GPR141: variants seen among roughly 807,000 people sequenced by gnomAD.
GPR141 encodes probable G protein-coupled receptor 141.
Under a neutral mutation model 6.8 loss-of-function variants are expected in GPR141, and 6 were observed. The observed-to-expected ratio is 0.88, with a 90% CI of 0.48 to 1.74. GPR141 has a LOEUF of 1.74. GPR141 is among the 40% of genes most tolerant of loss of function. The pLI is 0.01. For synonymous variants in GPR141, 140 were observed against 142.3 expected (o/e 0.98, Z 0.11); for missense variants, 372 against 372.9 (o/e 1.00, Z 0.02).
chr7:37,695,110 G>T (rs1370448195), intron 2 of GPR141, among the ~76,000 whole-genome samples: 1 of 152,180 alleles, frequency 6.6e-6, no homozygotes, highest in Non-Finnish European at 1.5e-5. Context: ...TCCAGGCAAG[G>T]GGGCAGATGG....
chr7:37,691,526 CCT>C (rs1035921777), intron 2 of GPR141, among the ~76,000 whole-genome samples: 2 of 151,190 alleles, frequency 1.3e-5, no homozygotes, highest in Non-Finnish European at 3.0e-5. Context: ...GTTCTTTTTT[CCT>C]CTCTTATTGT....
At chr7:37,690,925 T>A (rs553892564) in intron 2 of GPR141, among the ~76,000 whole-genome samples, 1 of 152,366 alleles carries the variant, frequency 6.6e-6, no homozygotes, top group African/African-American at 2.4e-5. Flanking sequence ...AAGTCTCCTG[T>A]GTTACTGTAT....
intron 2 of GPR141, among the ~76,000 whole-genome samples, chr7:37,708,620 A>G (rs1420726529): frequency 6.6e-6 from 1 of 152,180 alleles, no homozygotes; most frequent in African/African-American, 2.4e-5. Context: ...AACTCCAAGA[A>G]ACTCAAGAGG....
intron 2 of GPR141, among the ~76,000 whole-genome samples, chr7:37,708,336 C>T (rs972353993): frequency 1.1e-4 from 6 of 53,506 alleles, no homozygotes; most frequent in Non-Finnish European, 2.4e-4. Flanking sequence ...AAAAAAAAAA[C>T]GCAAAAGCTG....
intron 2 of GPR141, among the ~76,000 whole-genome samples, chr7:37,737,167 G>T (rs570088107): frequency 6.6e-6 from 1 of 152,174 alleles, no homozygotes; most frequent in Admixed American, 6.5e-5. Flanking sequence ...TGTGTCAAAA[G>T]TTGATCTTGA....
chr7:37,723,711 C>T (rs1293293509), intron 2 of GPR141, among the ~76,000 whole-genome samples: 2 of 152,292 alleles, frequency 1.3e-5, no homozygotes, highest in Admixed American at 6.5e-5. Context: ...AGACATGTTT[C>T]TCTGTCTTTT....
At position 37,740,857 on chromosome 7, in the gene GPR141, A is replaced by G. The variant is rs764266586; in HGVS notation, c.464A>G (p.Tyr155Cys). The G allele has an allele frequency of 9.9e-6, 16 of 1,614,106 alleles. No homozygotes were observed. Among genetic ancestry groups the G allele is most frequent in the Middle Eastern group, 1.7e-4 (1 of 6,058 alleles). ...VIVVPLVVSR[Y>C]GIHEEYNEEH... ...GTGGTACCCCTGGTTGTCTCCCGGTATGGAATCCATGAGGAATACAATGAG... is the reference window on the plus strand; with the variant it reads ...GTGGTACCCCTGGTTGTCTCCCGGTGTGGAATCCATGAGGAATACAATGAG... Residue 155 changes from tyrosine to cysteine, a missense_variant, in exon 3 of 3, where the codon TAT becomes TGT. Physicochemically the swap from Tyr to Cys is radical, Grantham distance 194 (BLOSUM62 -2). Coordinates refer to ENST00000334425, the MANE Select transcript of GPR141 (RefSeq NM_001381946.1).
chr7:37,729,889 A>G (rs1247677702), intron 2 of GPR141: 2 of 152,252 alleles, frequency 1.3e-5, no homozygotes, highest in Non-Finnish European at 2.9e-5. Context: ...TGGAAGCAGA[A>G]ACTACCTCTC....
Position 37,731,377 on chromosome 7 carries a change from G to A in GPR141, c.-14-9003G>A, listed in dbSNP as rs528333082. On this transcript the variant is annotated intron_variant, in intron 2 of 2. Transcript: ENST00000334425. ...CAAGCAAGTCATGCACGTGGAGAACGAGGTGTCTCTCTGAAAGAAATGTAG... is the reference window on the plus strand; with the variant it reads ...CAAGCAAGTCATGCACGTGGAGAACAAGGTGTCTCTCTGAAAGAAATGTAG... Among the ~76,000 whole-genome samples, 48 of 151,998 alleles carry A rather than the reference G, an allele frequency of 3.2e-4. 1 individual carries two copies. The South Asian group carries it at 9.8e-3, about 31-fold the overall frequency.
intron 2 of GPR141, among the ~76,000 whole-genome samples, chr7:37,714,616 A>G (rs1186376460): frequency 6.6e-6 from 1 of 152,254 alleles, no homozygotes; most frequent in East Asian, 1.9e-4. Context: ...AAAGAAGTCA[A>G]ACTAATTTCA....
chr7:37,720,451 A>G (rs1811262967), intron 2 of GPR141, among the ~76,000 whole-genome samples: 1 of 152,192 alleles, frequency 6.6e-6, no homozygotes, highest in Non-Finnish European at 1.5e-5. Context: ...TCAAAAAGGA[A>G]AAGAAATTAG....
intron 2 of GPR141, among the ~76,000 whole-genome samples, chr7:37,708,820 G>T (rs912747377): frequency 6.6e-6 from 1 of 152,132 alleles, no homozygotes; most frequent in Admixed American, 6.6e-5. Context: ...ACATTTCATA[G>T]ATTACAATGT....
At chr7:37,709,592 C>T (rs1207969365) in intron 2 of GPR141, 1 of 152,180 alleles carries the variant, frequency 6.6e-6, no homozygotes, top group African/African-American at 2.4e-5. Context: ...GCAACATCAC[C>T]TTGCCTTGCC....
At chr7:37,734,769 C>CT (rs1437072479) in intron 2 of GPR141, among the ~76,000 whole-genome samples, 2 of 152,132 alleles carry the variant, frequency 1.3e-5, no homozygotes, top group Admixed American at 6.5e-5. Context: ...TGATAGTAGA[C>CT]TTAAGACCTG....
chr7:37,737,626 A>G (rs935451537), intron 2 of GPR141, among the ~76,000 whole-genome samples: 7 of 151,946 alleles, frequency 4.6e-5, no homozygotes, highest in African/African-American at 7.3e-5. Flanking sequence ...TGTATTTTCT[A>G]TATGGCCCAA....
At chr7:37,689,062 A>C (rs979216985) in intron 2 of GPR141, among the ~76,000 whole-genome samples, 1 of 152,040 alleles carries the variant, frequency 6.6e-6, no homozygotes, top group African/African-American at 2.4e-5. Flanking sequence ...GTTACTCCCC[A>C]TTCTTTCCTT....
In GPR141 at chr7:37,740,399, T is replaced by C. The variant is rs1248453368; in HGVS notation, c.6T>C (p.Pro2=). The change falls in exon 3 of 3, where the codon CCT becomes CCC. Residue 2 remains proline, a synonymous_variant. Coordinates refer to ENST00000334425, the MANE Select transcript of GPR141 (RefSeq NM_001381946.1). M[P]GHNTSRNSSC... ...CTCCAGGTGACTTCCCAAGTATGCC[T>C]GGCCACAATACCTCCAGGAATTCCT... 6.3e-7 allele frequency: 1 copy of C among 1,592,940 alleles called. No individual in the cohort carries two copies. Among genetic ancestry groups the C allele is most frequent in the Admixed American group, 1.7e-5 (1 of 58,882 alleles).
chr7:37,694,113 G>T (rs1809909094), intron 2 of GPR141, among the ~76,000 whole-genome samples: 1 of 152,220 alleles, frequency 6.6e-6, no homozygotes, highest in South Asian at 2.1e-4. Flanking sequence ...GGTGAGGTAT[G>T]ACTGCTTTGG....
At chr7:37,728,248 G>C (rs1811729960) in intron 2 of GPR141, among the ~76,000 whole-genome samples, 1 of 121,626 alleles carries the variant, frequency 8.2e-6, no homozygotes, top group Admixed American at 9.2e-5. Flanking sequence ...TAATTGATGT[G>C]CCTCTTTCTC....
Sources: allele counts gnomAD v4.1 joint callset (sites outside exome capture counted in the v4.1 genomes callset), GRCh38; gene constraint gnomAD v4.1.1; transcripts MANE v1.5; gene names NCBI Gene and HGNC (gene_info 2026-07-23, HGNC 2026-07-21).